GALNT13: variants seen among roughly 807,000 people sequenced by gnomAD.
The protein encoded by GALNT13 is polypeptide N-acetylgalactosaminyltransferase 13.
In GALNT13, 28 loss-of-function variants were observed where a neutral mutation model predicts 64.2. That is an observed-to-expected ratio of 0.44 (90% confidence interval 0.32 to 0.60). GALNT13 has a LOEUF of 0.60. Ranked by LOEUF, GALNT13 falls within the 20% of genes least tolerant of loss-of-function variation. GALNT13 has a pLI of 0.05. For missense variants in GALNT13, 577 were observed against 669.8 expected (o/e 0.86, Z 1.53); for synonymous variants, 214 against 224.6 (o/e 0.95, Z 0.42).
chr2:154,147,690 T>C (rs1683699620), intron 4 of GALNT13, among the ~76,000 whole-genome samples: 1 of 151,988 alleles, frequency 6.6e-6, no homozygotes, highest in African/African-American at 2.4e-5. Context: ...TATTCAAGTT[T>C]ACCAAATACC....
At chr2:154,229,049 C>T (rs1292485866) in intron 4 of GALNT13, among the ~76,000 whole-genome samples, 2 of 151,832 alleles carry the variant, frequency 1.3e-5, no homozygotes, top group African/African-American at 4.8e-5. Context: ...CGGGGCAAGC[C>T]TCTTGTCCTT....
the GALNT13 span, among the ~76,000 whole-genome samples, chr2:153,620,406 G>A: frequency 6.6e-6 from 1 of 152,010 alleles, no homozygotes; most frequent in Non-Finnish European, 1.5e-5. Context: ...TTACAGGTGT[G>A]AGCCACTGTG....
At chr2:153,880,655 G>T (rs1298109684) in intron 1 of GALNT13, among the ~76,000 whole-genome samples, 2 of 152,216 alleles carry the variant, frequency 1.3e-5, no homozygotes, top group East Asian at 3.9e-4. Flanking sequence ...TGATCATTCA[G>T]TCTCAAATAG....
At chr2:153,521,112 A>G in the GALNT13 span, among the ~76,000 whole-genome samples, 1,128 of 152,328 alleles carry the variant, frequency 7.4e-3, 11 homozygotes, top group African/African-American at 0.026. Context: ...AGCGCCATAT[A>G]AAGTATCCTT....
At chr2:154,304,565 A>T (rs574339319) in intron 9 of GALNT13, among the ~76,000 whole-genome samples, 194 of 152,324 alleles carry the variant, frequency 1.3e-3, no homozygotes, top group Middle Eastern at 3.4e-3. Flanking sequence ...GTAATGTGCT[A>T]GTCTTTTGTA....
At chr2:154,365,321 A>T (rs1430493565) in intron 9 of GALNT13, among the ~76,000 whole-genome samples, 1 of 152,216 alleles carries the variant, frequency 6.6e-6, no homozygotes, top group East Asian at 1.9e-4. Context: ...CTAATTCCCA[A>T]GCATACCCTT....
rs897472083 is a variant in GALNT13, at chr2:154,165,342, G to A, written c.311+24837G>A. Among the ~76,000 whole-genome samples the A allele has an allele frequency of 3.9e-5, 6 of 151,914 alleles. No homozygotes were observed. In the East Asian group the frequency reaches 1.2e-3, roughly 29 times the overall value. On this transcript the variant is annotated intron_variant, in intron 4 of 12. Transcript: ENST00000392825. The stretch of plus-strand genomic sequence containing the variant: ...TTTTCCTTTGAGGAAAGTCCTTTCT[G>A]TTTAAAGTTTCTTTTTTTTAATTTT...
chr2:153,546,331 T>C, the GALNT13 span, among the ~76,000 whole-genome samples: 2 of 152,234 alleles, frequency 1.3e-5, no homozygotes, highest in Admixed American at 6.5e-5. Context: ...TGTATTTCTG[T>C]ACTTTTAAAA....
chr2:154,015,644 C>T (rs1415181278), intron 3 of GALNT13, among the ~76,000 whole-genome samples: 1 of 152,086 alleles, frequency 6.6e-6, no homozygotes, highest in Non-Finnish European at 1.5e-5. Context: ...TTGCCTTCTC[C>T]TACTTTAATT....
chr2:154,065,399 A>G (rs1478067040), intron 3 of GALNT13, among the ~76,000 whole-genome samples: 1 of 152,158 alleles, frequency 6.6e-6, no homozygotes, highest in African/African-American at 2.4e-5. Context: ...GTAACCAGGT[A>G]GTTGTTACAG....
the GALNT13 span, among the ~76,000 whole-genome samples, chr2:153,641,724 T>C: frequency 2.0e-5 from 3 of 152,246 alleles, no homozygotes; most frequent in East Asian, 5.8e-4. Context: ...ACATTTCTGC[T>C]TTTCTGAAAA....
the GALNT13 span, among the ~76,000 whole-genome samples, chr2:153,532,332 A>C: frequency 4.6e-5 from 7 of 152,066 alleles, no homozygotes; most frequent in Non-Finnish European, 1.0e-4. Context: ...TTTTTGAGCC[A>C]CGGCTAGAGC....
At chr2:154,131,555 T>C (rs1682618705) in intron 3 of GALNT13, among the ~76,000 whole-genome samples, 1 of 152,150 alleles carries the variant, frequency 6.6e-6, no homozygotes, top group Non-Finnish European at 1.5e-5. Context: ...TTCTTTTTCA[T>C]TCCCCAACAT....
intron 9 of GALNT13, among the ~76,000 whole-genome samples, chr2:154,387,655 C>T (rs1266608709): frequency 2.6e-5 from 4 of 152,084 alleles, no homozygotes; most frequent in African/African-American, 7.2e-5. Flanking sequence ...AGAATCTACA[C>T]ATAAGTGAGG....
At chr2:153,752,912 T>G in the GALNT13 span, among the ~76,000 whole-genome samples, 8 of 152,300 alleles carry the variant, frequency 5.3e-5, no homozygotes, top group African/African-American at 1.2e-4. Context: ...TTTCTAGATC[T>G]TATAGGCATG....
At chr2:153,575,460 T>C in the GALNT13 span, among the ~76,000 whole-genome samples, 3 of 152,158 alleles carry the variant, frequency 2.0e-5, no homozygotes, top group Admixed American at 2.0e-4. Context: ...TTCAAGGTGG[T>C]GAGTACCCCA....
intron 9 of GALNT13, among the ~76,000 whole-genome samples, chr2:154,332,952 A>G (rs1046162685): frequency 6.6e-6 from 1 of 152,088 alleles, no homozygotes; most frequent in African/African-American, 2.4e-5. Context: ...TTCCCTACAC[A>G]TCATATCTCC....
At chr2:153,449,086 G>C in the GALNT13 span, among the ~76,000 whole-genome samples, 1 of 152,026 alleles carries the variant, frequency 6.6e-6, no homozygotes, top group Non-Finnish European at 1.5e-5. Flanking sequence ...CATGTACCAA[G>C]GAAAGGCCAT....
chr2:153,155,391 A>G, the GALNT13 span, among the ~76,000 whole-genome samples: 36 of 152,218 alleles, frequency 2.4e-4, no homozygotes, highest in African/African-American at 8.7e-4. Flanking sequence ...TTACTGCCTC[A>G]ATTTCAGAAC....
Sources: gnomAD v4.1 joint callset for allele counts (sites outside exome capture counted in the v4.1 genomes callset) on GRCh38, gnomAD v4.1.1 for gene constraint, MANE v1.5 for transcripts, NCBI Gene and HGNC (gene_info 2026-07-23, HGNC 2026-07-21) for gene names.